The following ATP10B variants were observed in gnomAD, a reference collection of about 807,000 sequenced individuals.
ATP10B encodes the protein ATPase phospholipid transporting 10B (putative).
A neutral mutation model predicts 141.2 loss-of-function variants in ATP10B; 122 were observed. That is an observed-to-expected ratio of 0.86 (90% CI 0.75 to 1.00). ATP10B has a LOEUF of 1.00. Ranked by LOEUF, ATP10B falls within the 50% of genes least tolerant of loss-of-function variation. The probability of loss-of-function intolerance (pLI) is 0.00; values close to 1 mark genes in which losing one functional copy is unlikely to be tolerated. For synonymous variants in ATP10B, 685 were observed against 692.0 expected, an observed-to-expected ratio of 0.99 and a Z score of 0.16; for missense variants, 1,876 against 1,825.3, an observed-to-expected ratio of 1.03 and a Z score of -0.51.
At chr5:160,749,590 G>A (rs1455901005) in intron 2 of ATP10B, among the ~76,000 whole-genome samples, 1 of 152,136 alleles carries the variant, frequency 6.6e-6, no homozygotes, top group East Asian at 1.9e-4. Context: ...GAGAATTTAA[G>A]CAACTTGCTT....
intron 24 of ATP10B, among the ~76,000 whole-genome samples, chr5:160,588,347 C>G (rs889764093): frequency 6.6e-6 from 1 of 152,108 alleles, no homozygotes; most frequent in African/African-American, 2.4e-5. Context: ...TGGCTCTTAT[C>G]AGCCACTGCC....
intron 1 of ATP10B, among the ~76,000 whole-genome samples, chr5:160,797,750 CACAG>C (rs2127923507): frequency 6.7e-6 from 1 of 149,608 alleles, no homozygotes; most frequent in Non-Finnish European, 1.5e-5. Flanking sequence ...AACACAAACA[CACAG>C]AGAGAGAGAA....
chr5:160,583,676 T>A (rs531299793), intron 24 of ATP10B, among the ~76,000 whole-genome samples: 1 of 152,164 alleles, frequency 6.6e-6, no homozygotes, highest in Admixed American at 6.5e-5. Flanking sequence ...GGGAGTTTTA[T>A]CTATAAGCCT....
chr5:160,602,588 A>G lies in ATP10B; in HGVS notation c.3352T>C (p.Tyr1118His). 1 of 1,613,880 alleles carries G rather than the reference A, an allele frequency of 6.2e-7. No homozygotes were observed. Among genetic ancestry groups the G allele is most frequent in the Non-Finnish European group, 8.5e-7 (1 of 1,179,852 alleles). Residue 1118 changes from tyrosine to histidine, a missense_variant, in exon 21 of 26, where the codon TAC (tyrosine) becomes CAC (histidine). Coordinates refer to ENST00000327245, the MANE Select transcript of ATP10B (RefSeq NM_025153.3). Reference protein sequence around the residue: ...RLARMVVYYLYKNVCYVNLLF... With the variant: ...RLARMVVYYLHKNVCYVNLLF... ...CATAGGCTACTTACCACGTTCTTGTAGAGGTAGTACACCACCATCCTGGCC... is the reference window on the plus strand; with the variant it reads ...CATAGGCTACTTACCACGTTCTTGTGGAGGTAGTACACCACCATCCTGGCC...
At chr5:160,627,416 G>T (rs922934293) in intron 13 of ATP10B, among the ~76,000 whole-genome samples, 1 of 152,194 alleles carries the variant, frequency 6.6e-6, no homozygotes, top group African/African-American at 2.4e-5. Context: ...CAGAGTAGAT[G>T]CTTACTGAAT....
intron 3 of ATP10B, among the ~76,000 whole-genome samples, chr5:160,701,094 C>T (rs570918421): frequency 7.2e-5 from 11 of 152,286 alleles, no homozygotes; most frequent in Non-Finnish European, 1.0e-4. Flanking sequence ...TACTTGGCCT[C>T]GTGATTTGTC....
chr5:160,681,969 T>C (rs1763425477), intron 6 of ATP10B, among the ~76,000 whole-genome samples: 1 of 152,200 alleles, frequency 6.6e-6, no homozygotes. Flanking sequence ...GCCTCCCCAC[T>C]TTGCCATAGT....
intron 2 of ATP10B, among the ~76,000 whole-genome samples, chr5:160,772,653 GAATCT>G (rs1023574223): frequency 6.6e-6 from 1 of 152,192 alleles, no homozygotes; most frequent in Non-Finnish European, 1.5e-5. Context: ...GCTCCTATGA[GAATCT>G]AATGCTGCCA....
At chr5:160,873,948 A>G in the ATP10B span, among the ~76,000 whole-genome samples, 1 of 152,246 alleles carries the variant, frequency 6.6e-6, no homozygotes, top group African/African-American at 2.4e-5. Context: ...GGCGGCAGCC[A>G]GGCTGGGGGA....
chr5:160,602,894 T>A, intron 20 of ATP10B, 192 bp from the exon 21 acceptor site: 1 of 600,014 alleles, frequency 1.7e-6, no homozygotes, highest in Non-Finnish European at 2.8e-6. Context: ...CAAACCTCTC[T>A]AGAATCCAAG....
chr5:160,604,533 T>C (rs1339809531), intron 19 of ATP10B, among the ~76,000 whole-genome samples: 2 of 152,100 alleles, frequency 1.3e-5, no homozygotes, highest in East Asian at 3.9e-4. Context: ...ACTGGACAGT[T>C]TGGAGAGTGA....
At chr5:160,620,984 C>T in intron 14 of ATP10B, 34 bp from the exon 15 acceptor site, 1 of 1,573,236 alleles carries the variant, frequency 6.4e-7, no homozygotes, top group Non-Finnish European at 8.6e-7. Context: ...GAATATTACT[C>T]TCAATGTTGG....
chr5:160,913,976 G>C, the ATP10B span, among the ~76,000 whole-genome samples: 9 of 152,304 alleles, frequency 5.9e-5, no homozygotes, highest in Non-Finnish European at 1.3e-4. Context: ...GTCCTTGCTT[G>C]ATGTGTCATA....
chr5:160,864,636 T>A, the ATP10B span, among the ~76,000 whole-genome samples: 1 of 152,004 alleles, frequency 6.6e-6, no homozygotes, highest in Non-Finnish European at 1.5e-5. Flanking sequence ...GAAGTAAAAC[T>A]GTTGCTGTTT....
intron 12 of ATP10B, chr5:160,632,659 G>A: frequency 3.7e-6 from 1 of 268,980 alleles, no homozygotes; most frequent in Non-Finnish European, 6.9e-6. Flanking sequence ...CTAACTCATA[G>A]GGATGTTTTG....
chr5:160,795,960 A>G (rs1561862434), intron 1 of ATP10B, among the ~76,000 whole-genome samples: 1 of 152,142 alleles, frequency 6.6e-6, no homozygotes, highest in Non-Finnish European at 1.5e-5. Flanking sequence ...CTAGAAAATA[A>G]ACACAGTCCT....
chr5:160,655,502 A>G (rs928749693), intron 7 of ATP10B, among the ~76,000 whole-genome samples: 5 of 152,112 alleles, frequency 3.3e-5, no homozygotes, highest in Non-Finnish European at 7.4e-5. Flanking sequence ...GCACACCATA[A>G]AGATGTGTTG....
At chr5:160,846,903 G>GT (rs1404091070) in intron 1 of ATP10B, among the ~76,000 whole-genome samples, 1 of 152,112 alleles carries the variant, frequency 6.6e-6, no homozygotes, top group African/African-American at 2.4e-5. Context: ...GCTAATAATA[G>GT]TAACTATCTC....
chr5:160,920,874 T>C, the ATP10B span, among the ~76,000 whole-genome samples: 1 of 152,180 alleles, frequency 6.6e-6, no homozygotes, highest in East Asian at 1.9e-4. Flanking sequence ...CTTTGAGCAG[T>C]TGGAGTCTAG....
Sources: gnomAD v4.1 joint callset for allele counts (sites outside exome capture counted in the v4.1 genomes callset) on GRCh38, gnomAD v4.1.1 for gene constraint, MANE v1.5 for transcripts, NCBI Gene and HGNC (gene_info 2026-07-23, HGNC 2026-07-21) for gene names.